The following EPHA6 variants were observed in gnomAD, a reference collection of about 807,000 sequenced individuals.
EPHA6 encodes the protein EPH receptor A6.
Under a neutral mutation model 112.0 loss-of-function variants are expected in EPHA6, and 50 were observed. The ratio of observed to expected loss-of-function variants is 0.45; its 90% CI spans 0.36 to 0.56. The LOEUF (loss-of-function observed/expected upper bound fraction) is 0.56. EPHA6 is among the 20% of genes least tolerant of loss of function. The probability of loss-of-function intolerance (pLI) is 0.00; values close to 1 mark genes in which losing one functional copy is unlikely to be tolerated. For synonymous variants in EPHA6, 529 were observed against 490.7 expected (o/e 1.08, Z -1.03); for missense variants, 1,280 against 1,417.4 (o/e 0.90, Z 1.56).
intron 3 of EPHA6, among the ~76,000 whole-genome samples, chr3:97,030,558 C>A (rs549407987): frequency 2.6e-5 from 4 of 152,076 alleles, no homozygotes; most frequent in Non-Finnish European, 5.9e-5. Flanking sequence ...AACCTCTCTT[C>A]CCCTTCCAGA....
At chr3:97,612,451 C>A (rs1049047255) in intron 13 of EPHA6, 3 of 388,402 alleles carry the variant, frequency 7.7e-6, no homozygotes, top group African/African-American at 4.2e-5. Flanking sequence ...AAAAATGGAT[C>A]AAATGACTAC....
chr3:97,608,807 G>T (rs2093697936), intron 12 of EPHA6, among the ~76,000 whole-genome samples: 1 of 151,272 alleles, frequency 6.6e-6, no homozygotes, highest in South Asian at 2.1e-4. Flanking sequence ...TCACTGGAAA[G>T]AATTGACTAA....
chr3:97,178,165 T>C (rs1420457399), intron 3 of EPHA6, among the ~76,000 whole-genome samples: 5 of 152,040 alleles, frequency 3.3e-5, no homozygotes, highest in African/African-American at 9.7e-5. Flanking sequence ...TAACCCACTA[T>C]TGTAACCTTA....
intron 13 of EPHA6, among the ~76,000 whole-genome samples, chr3:97,633,297 G>T (rs1335877012): frequency 6.6e-6 from 1 of 151,952 alleles, no homozygotes; most frequent in Non-Finnish European, 1.5e-5. Context: ...CAAAAAAAAA[G>T]AGGGATGAAG....
intron 3 of EPHA6, among the ~76,000 whole-genome samples, chr3:97,107,967 A>G (rs2047616782): frequency 6.6e-6 from 1 of 152,168 alleles, no homozygotes. Flanking sequence ...TTCAAATGAA[A>G]CTACATGATA....
intron 5 of EPHA6, among the ~76,000 whole-genome samples, chr3:97,353,560 T>C (rs1231242458): frequency 6.6e-6 from 1 of 151,788 alleles, no homozygotes; most frequent in Non-Finnish European, 1.5e-5. Context: ...GGGAGAAGAA[T>C]GGGAAGAAGT....
At chr3:97,427,378 T>C (rs1433103458) in intron 6 of EPHA6, among the ~76,000 whole-genome samples, 1 of 152,142 alleles carries the variant, frequency 6.6e-6, no homozygotes, top group Non-Finnish European at 1.5e-5. Context: ...AATGAGATCA[T>C]GGCCTTTCCA....
Position 97,473,524 on chromosome 3 carries a change from C to G in EPHA6, c.1895-1828C>G, listed in dbSNP as rs137860466. Reference sequence around the variant, plus strand: ...GAATTTTGGACTCAACAAATTATAGCTACCTAACTACTATGAAACTATATG... The same window carrying G: ...GAATTTTGGACTCAACAAATTATAGGTACCTAACTACTATGAAACTATATG... On this transcript the variant is annotated intron_variant, in intron 7 of 17. Transcript: ENST00000389672. 1.2e-3 allele frequency among the ~76,000 whole-genome samples: 188 copies of G among 151,934 alleles called. 8 individuals are homozygous for G. In the East Asian group the frequency reaches 0.034, roughly 27 times the overall value.
At chr3:97,041,427 A>G (rs554541083) in intron 3 of EPHA6, among the ~76,000 whole-genome samples, 29 of 152,186 alleles carry the variant, frequency 1.9e-4, no homozygotes, top group African/African-American at 6.5e-4. Context: ...GTAATGCTGT[A>G]AGGTGAATTG....
chr3:97,006,266 A>G (rs2043874822), intron 3 of EPHA6, among the ~76,000 whole-genome samples: 1 of 152,088 alleles, frequency 6.6e-6, no homozygotes, highest in Non-Finnish European at 1.5e-5. Flanking sequence ...TTTGGTTGGT[A>G]GGCTATTAAT....
intron 14 of EPHA6, among the ~76,000 whole-genome samples, chr3:97,660,068 A>G (rs4857282): frequency 0.16 from 24,999 of 152,012 alleles, 2,350 homozygotes; most frequent in South Asian, 0.21. Flanking sequence ...GATCGTTTAA[A>G]TTCTGTTTCT....
At chr3:97,519,243 T>G (rs2092497696) in intron 10 of EPHA6, among the ~76,000 whole-genome samples, 1 of 152,216 alleles carries the variant, frequency 6.6e-6, no homozygotes, top group South Asian at 2.1e-4. Context: ...CCTTGTTTAT[T>G]GAAGAGGATA....
At chr3:97,199,740 A>G (rs1158705383) in intron 3 of EPHA6, among the ~76,000 whole-genome samples, 2 of 152,282 alleles carry the variant, frequency 1.3e-5, no homozygotes, top group East Asian at 3.9e-4. Flanking sequence ...CCTTCCAGAA[A>G]AAACAAACAA....
At chr3:96,833,843 A>C (rs1463787650) in intron 1 of EPHA6, among the ~76,000 whole-genome samples, 1 of 152,046 alleles carries the variant, frequency 6.6e-6, no homozygotes, top group Non-Finnish European at 1.5e-5. Flanking sequence ...TGTTAACTGT[A>C]GTCATCCTAT....
chr3:97,028,014 C>T (rs888595526), intron 3 of EPHA6, among the ~76,000 whole-genome samples: 4 of 152,086 alleles, frequency 2.6e-5, no homozygotes, highest in Admixed American at 6.6e-5. Context: ...TTTTATTACT[C>T]TCTGGCACTT....
At chr3:97,692,880 T>C (rs940357266) in intron 14 of EPHA6, among the ~76,000 whole-genome samples, 2 of 152,206 alleles carry the variant, frequency 1.3e-5, no homozygotes, top group Non-Finnish European at 2.9e-5. Context: ...GTGTGCACTC[T>C]GCCATTACCA....
At chr3:97,747,638 T>C in intron 17 of EPHA6, 66 bp downstream of exon 17, 2 of 1,373,490 alleles carry the variant, frequency 1.5e-6, no homozygotes, top group Non-Finnish European at 1.9e-6. Context: ...TCAAATGCTG[T>C]ATCAAGAACA....
chr3:97,378,164 G>T (rs138084104), intron 5 of EPHA6, among the ~76,000 whole-genome samples: 1 of 152,042 alleles, frequency 6.6e-6, no homozygotes, highest in Non-Finnish European at 1.5e-5. Context: ...GTTGCCCTGC[G>T]TCCCAGCCCC....
intron 11 of EPHA6, among the ~76,000 whole-genome samples, chr3:97,570,369 G>A (rs895374868): frequency 6.6e-6 from 1 of 152,156 alleles, no homozygotes; most frequent in African/African-American, 2.4e-5. Flanking sequence ...GTATTTTGGA[G>A]GTGGATAACA....
Sources: gnomAD v4.1 joint callset for allele counts (sites outside exome capture counted in the v4.1 genomes callset) on GRCh38, gnomAD v4.1.1 for gene constraint, MANE v1.5 for transcripts, NCBI Gene and HGNC (gene_info 2026-07-23, HGNC 2026-07-21) for gene names.